DST: variants seen among roughly 807,000 people sequenced by gnomAD.
DST encodes the protein bullous pemphigoid antigen.
Under a neutral mutation model 875.2 loss-of-function variants are expected in DST, and 253 were observed. The ratio of observed to expected loss-of-function variants is 0.29; its 90% CI spans 0.26 to 0.32. The LOEUF (loss-of-function observed/expected upper bound fraction) is 0.32. Ranked by LOEUF, DST falls within the 10% of genes least tolerant of loss-of-function variation. The probability of loss-of-function intolerance (pLI) is 1.00; values close to 1 mark genes in which losing one functional copy is unlikely to be tolerated. For synonymous variants in DST, 3,124 were observed against 3,197.1 expected, an observed-to-expected ratio of 0.98 and a Z score of 0.77; for missense variants, 8,287 against 9,111.6, an observed-to-expected ratio of 0.91 and a Z score of 3.68.
At chr6:56,460,050 C>T in intron 103 of DST, 81 bp downstream of exon 103, 1 of 1,471,318 alleles carries the variant, frequency 6.8e-7, no homozygotes, top group Non-Finnish European at 9.1e-7. Flanking sequence ...AATTTCTTCC[C>T]CAATGAGGAG....
chr6:56,468,543 T>A (rs1400444592), intron 98 of DST, among the ~76,000 whole-genome samples: 1 of 152,198 alleles, frequency 6.6e-6, no homozygotes, highest in Non-Finnish European at 1.5e-5. Context: ...CTTGGCTCTC[T>A]GTCTTCCTGT....
At chr6:56,548,612 G>C (rs2097267894) in intron 61 of DST, among the ~76,000 whole-genome samples, 1 of 152,166 alleles carries the variant, frequency 6.6e-6, no homozygotes, top group African/African-American at 2.4e-5. Context: ...GGGATAGAGG[G>C]AACACCAAAG....
chr6:56,473,014 A>G (rs1425874300), intron 93 of DST, among the ~76,000 whole-genome samples: 1 of 152,220 alleles, frequency 6.6e-6, no homozygotes, highest in Non-Finnish European at 1.5e-5. Flanking sequence ...GCATTTAACT[A>G]TATGCCTGGA....
At chr6:56,925,372 A>T (rs944252827) in intron 2 of DST, among the ~76,000 whole-genome samples, 3 of 152,256 alleles carry the variant, frequency 2.0e-5, no homozygotes, top group Non-Finnish European at 4.4e-5. Flanking sequence ...GGAGCATATG[A>T]CTTTTCTCAC....
intron 4 of DST, among the ~76,000 whole-genome samples, chr6:56,790,353 G>A (rs2099717320): frequency 6.6e-6 from 1 of 152,156 alleles, no homozygotes; most frequent in Non-Finnish European, 1.5e-5. Flanking sequence ...GAGTTTGAAT[G>A]AGCCAAGCCA....
At chr6:56,621,672 T>C (rs923075532) in intron 36 of DST, among the ~76,000 whole-genome samples, 8 of 152,230 alleles carry the variant, frequency 5.3e-5, no homozygotes, top group South Asian at 2.1e-4. Context: ...ATGCTTTACA[T>C]TGATTATAGA....
At chr6:56,476,025 G>T (rs2095172565) in intron 92 of DST, 124 bp downstream of exon 92, 2 of 835,488 alleles carry the variant, frequency 2.4e-6, no homozygotes, top group East Asian at 5.5e-5. Context: ...CAGTTGTAAG[G>T]AGCTGAGGAG....
At chr6:56,794,498 A>G (rs577864198) in intron 4 of DST, among the ~76,000 whole-genome samples, 90 of 152,324 alleles carry the variant, frequency 5.9e-4, no homozygotes, top group African/African-American at 2.0e-3. Context: ...AGAGGTGACC[A>G]CTAAGCCAGC....
chr6:56,642,601 C>T (rs751753681), intron 15 of DST, 98 bp from the exon 16 acceptor site: 20 of 1,613,892 alleles, frequency 1.2e-5, no homozygotes, highest in Non-Finnish European at 1.7e-5. Context: ...AAAACACAAT[C>T]CCACACCAAT....
chr6:56,652,558 A>G (rs1488292097), intron 10 of DST, among the ~76,000 whole-genome samples: 1 of 152,232 alleles, frequency 6.6e-6, no homozygotes, highest in Non-Finnish European at 1.5e-5. Flanking sequence ...TATTTTGTAT[A>G]CTACTTGGCA....
At chr6:56,919,072 T>A (rs181430321) in intron 2 of DST, among the ~76,000 whole-genome samples, 21 of 152,260 alleles carry the variant, frequency 1.4e-4, no homozygotes, top group Admixed American at 1.2e-3. Flanking sequence ...AACTTATATG[T>A]ATTTCTTATT....
chr6:56,817,548 A>G (rs1021470716), intron 4 of DST, among the ~76,000 whole-genome samples: 4 of 152,210 alleles, frequency 2.6e-5, no homozygotes, highest in African/African-American at 7.2e-5. Flanking sequence ...CTATGGCAAA[A>G]TATCAAGTCA....
chr6:56,622,161 C>T (rs576646695), intron 36 of DST, among the ~76,000 whole-genome samples: 2 of 152,246 alleles, frequency 1.3e-5, no homozygotes, highest in African/African-American at 2.4e-5. Context: ...TAAAACTTAG[C>T]TATTGCTAAG....
chr6:56,900,531 G>A lies in DST; in HGVS notation c.307C>T (p.His103Tyr). 2.2e-6 allele frequency: 3 copies of A among 1,367,690 alleles called. No individual in the cohort carries two copies. Among genetic ancestry groups the A allele is most frequent in the Non-Finnish European group, 2.9e-6 (3 of 1,021,858 alleles). 84.7% of individuals were successfully genotyped at this position (1,367,690 alleles called of 1,614,324 possible). The change falls in exon 3 of 104, where the codon CAC (histidine) becomes TAC (tyrosine). Residue 103 changes from histidine to tyrosine, a missense_variant. Physicochemically the swap from His to Tyr is moderately conservative, Grantham distance 83. This residue lies in a region of DST where 1,160 missense variants were observed against 1,424.3 expected (regional missense o/e 0.81). Transcript: ENST00000680361. Reference protein sequence around the residue: ...LEEVKPVVEVHHQSEQETSVR... With the variant: ...LEEVKPVVEVYHQSEQETSVR... Reference sequence around the variant, plus strand: ...GAAGTTTCTTGCTCACTCTGATGGTGAACTTCCACCACGGGCTTCACTTCT... The same window carrying A: ...GAAGTTTCTTGCTCACTCTGATGGTAAACTTCCACCACGGGCTTCACTTCT...
intron 4 of DST, among the ~76,000 whole-genome samples, chr6:56,782,215 G>T (rs1442894944): frequency 2.6e-5 from 4 of 152,116 alleles, no homozygotes; most frequent in African/African-American, 9.7e-5. Context: ...CCGGCTTTGG[G>T]ATCAGGATGA....
chr6:56,852,135 C>A, intron 3 of DST: 1 of 912,724 alleles, frequency 1.1e-6, no homozygotes, highest in Non-Finnish European at 1.3e-6. Context: ...CAGTTTTAAG[C>A]CCCTGTCCTC....
chr6:56,526,681 C>G (rs1008157869), intron 68 of DST, 114 bp from the exon 69 acceptor site: 2 of 850,576 alleles, frequency 2.4e-6, no homozygotes, highest in South Asian at 2.1e-5. Flanking sequence ...TTGCCCCACT[C>G]CCCCCCTCCC....
At chr6:56,620,357 G>A (rs1221133763) in intron 36 of DST, 1 of 1,614,076 alleles carries the variant, frequency 6.2e-7, no homozygotes, top group East Asian at 2.2e-5. Flanking sequence ...AGCTCTTTTA[G>A]CCTCGGCCTC....
chr6:56,731,457 T>C (rs928458111), intron 5 of DST, among the ~76,000 whole-genome samples: 8 of 152,234 alleles, frequency 5.3e-5, no homozygotes, highest in Non-Finnish European at 8.8e-5. Context: ...AATACTGATA[T>C]TGTATGCTTC....
Sources: gnomAD v4.1 joint callset for allele counts (sites outside exome capture counted in the v4.1 genomes callset) on GRCh38, gnomAD v4.1.1 for gene constraint, gnomAD v4.1.1 regional missense constraint, MANE v1.5 for transcripts, NCBI Gene and HGNC (gene_info 2026-07-23, HGNC 2026-07-21) for gene names.